MCC: variants seen among roughly 807,000 people sequenced by gnomAD.
MCC encodes the protein MCC regulator of Wnt signaling pathway.
Under a neutral mutation model 116.2 loss-of-function variants are expected in MCC, and 90 were observed. That is an observed-to-expected ratio of 0.77 (90% CI 0.65 to 0.92). The LOEUF is 0.92. Among genes scored for constraint, MCC ranks in the 40% least tolerant of loss-of-function variants. MCC has a pLI of 0.00. For synonymous variants in MCC, 578 were observed against 510.5 expected (o/e 1.13, Z -1.78); for missense variants, 1,516 against 1,312.2 (o/e 1.16, Z -2.40).
At chr5:113,174,359 A>G (rs1167986143) in intron 3 of MCC, among the ~76,000 whole-genome samples, 1 of 152,178 alleles carries the variant, frequency 6.6e-6, no homozygotes, top group Non-Finnish European at 1.5e-5. Context: ...GGTATGGATC[A>G]CCTGCACTGT....
intron 3 of MCC, among the ~76,000 whole-genome samples, chr5:113,206,478 G>T (rs1001986449): frequency 6.6e-6 from 1 of 152,164 alleles, no homozygotes; most frequent in Admixed American, 6.5e-5. Context: ...ACTTTGGGAG[G>T]CTGAGGCAGG....
At chr5:113,306,940 C>T (rs1336400742) in intron 3 of MCC, among the ~76,000 whole-genome samples, 1 of 151,982 alleles carries the variant, frequency 6.6e-6, no homozygotes, top group Non-Finnish European at 1.5e-5. Context: ...AATTTTTGTA[C>T]CCTTGTCAAA....
intron 1 of MCC, 36 bp from the exon 2 acceptor site, chr5:113,385,248 G>A: frequency 6.3e-7 from 1 of 1,595,210 alleles, no homozygotes; most frequent in Non-Finnish European, 8.6e-7. Flanking sequence ...AATGTGTTAT[G>A]AGTGACATTT....
chr5:113,203,225 TTGTGCTCCTACCTTGACA>T (rs937789579), intron 3 of MCC: 2 of 152,302 alleles, frequency 1.3e-5, no homozygotes, highest in African/African-American at 2.4e-5. Flanking sequence ...GTTGCCCCGC[TTGTGCTCCTACCTTGACA>T]TGTGCTCTGG....
At chr5:113,035,810 T>C (rs1310927354) in intron 17 of MCC, among the ~76,000 whole-genome samples, 1 of 152,198 alleles carries the variant, frequency 6.6e-6, no homozygotes, top group South Asian at 2.1e-4. Context: ...AGTTACTTTA[T>C]TGGAAAAAAA....
At position 113,146,119 on chromosome 5, in the gene MCC, T is replaced by TA. The variant is rs1419016933; in HGVS notation, c.742-2760_742-2759insT. ...ACATTCCTATATTTTTCCGTAAGTT[T>TA]TAAAAAAATAGCATACAATGTAGTA... On this transcript the variant is annotated intron_variant, in intron 4 of 18. Transcript: ENST00000408903. Among the ~76,000 whole-genome samples, 7 of 105,310 alleles carry TA rather than the reference T, an allele frequency of 6.6e-5. No homozygotes were observed. In the East Asian group the frequency reaches 1.2e-3, roughly 18 times the overall value. The allele number at this position is 105,310 out of a possible 152,430, so 69.1% of individuals were successfully genotyped here. A position where few individuals can be genotyped will look rare whatever the true frequency, so the allele number is the denominator to read the frequency against.
chr5:113,488,142 G>A (rs929052993), intron 1 of MCC, 103 bp downstream of exon 1: 27 of 1,228,970 alleles, frequency 2.2e-5, no homozygotes, highest in Non-Finnish European at 2.8e-5. Flanking sequence ...GCGAGCTTCT[G>A]AGCAACTTGC....
At chr5:113,047,900 C>T (rs1752212317) in intron 16 of MCC, among the ~76,000 whole-genome samples, 1 of 152,044 alleles carries the variant, frequency 6.6e-6, no homozygotes, top group African/African-American at 2.4e-5. Flanking sequence ...CACCAGACAG[C>T]CTGCTTTCAG....
At chr5:113,156,619 T>G (rs1192123858) in intron 3 of MCC, among the ~76,000 whole-genome samples, 2 of 152,192 alleles carry the variant, frequency 1.3e-5, no homozygotes, top group East Asian at 1.9e-4. Flanking sequence ...TAGTTCTCTG[T>G]GAAATTTTAA....
At chr5:113,406,060 T>C (rs760828645) in intron 1 of MCC, among the ~76,000 whole-genome samples, 1 of 152,118 alleles carries the variant, frequency 6.6e-6, no homozygotes, top group African/African-American at 2.4e-5. Flanking sequence ...CCAACCAATA[T>C]ATAAATTAAA....
Position 113,376,330 on chromosome 5 carries a change from C to A in MCC, c.415+8638G>T, listed in dbSNP as rs1459584589. On this transcript the variant is annotated intron_variant, in intron 2 of 18. Coordinates refer to ENST00000408903, the MANE Select transcript of MCC (RefSeq NM_001085377.2). ...TATTTGTTTATTGGCCAAATACTCA[C>A]CCAATGCATGCCCTGTGTCAGTCTC... 2.0e-5 allele frequency among the ~76,000 whole-genome samples: 3 copies of A among 152,264 alleles called. No individual in the cohort carries two copies. In the East Asian group the frequency reaches 5.8e-4, roughly 29 times the overall value.
intron 3 of MCC, among the ~76,000 whole-genome samples, chr5:113,258,477 C>G (rs1245911746): frequency 6.6e-6 from 1 of 152,236 alleles, no homozygotes; most frequent in Non-Finnish European, 1.5e-5. Context: ...TCAGATTAAC[C>G]ACAGTATTAG....
At chr5:113,384,828 C>T in intron 2 of MCC, 140 bp downstream of exon 2, 1 of 888,102 alleles carries the variant, frequency 1.1e-6, no homozygotes, top group Non-Finnish European at 1.7e-6. Flanking sequence ...GAGCACTCCC[C>T]CAGGGAAAGT....
At chr5:113,416,438 A>G (rs1030228537) in intron 1 of MCC, among the ~76,000 whole-genome samples, 3 of 152,148 alleles carry the variant, frequency 2.0e-5, no homozygotes, top group African/African-American at 7.2e-5. Context: ...TAAAAAAAAA[A>G]GTGGCAGGGG....
intron 6 of MCC, among the ~76,000 whole-genome samples, chr5:113,105,376 A>G (rs1273869929): frequency 1.3e-5 from 2 of 152,216 alleles, no homozygotes; most frequent in African/African-American, 4.8e-5. Flanking sequence ...TCTTGGCACA[A>G]CAGGAACAGG....
intron 1 of MCC, among the ~76,000 whole-genome samples, chr5:113,425,187 T>C (rs935594694): frequency 1.2e-4 from 18 of 152,220 alleles, no homozygotes; most frequent in African/African-American, 4.3e-4. Flanking sequence ...TATAAAAGGA[T>C]TGGGAATCAC....
At chr5:113,343,338 T>G (rs1446880016) in intron 2 of MCC, among the ~76,000 whole-genome samples, 1 of 152,212 alleles carries the variant, frequency 6.6e-6, no homozygotes, top group Non-Finnish European at 1.5e-5. Flanking sequence ...ATATTTGCAA[T>G]TGCTCCAAGT....
chr5:113,138,724 G>C (rs182299910), intron 5 of MCC, among the ~76,000 whole-genome samples: 5 of 152,262 alleles, frequency 3.3e-5, no homozygotes, highest in Non-Finnish European at 7.4e-5. Context: ...GAAGCTCCAT[G>C]GGTTATCATC....
intron 3 of MCC, among the ~76,000 whole-genome samples, chr5:113,282,012 C>T (rs1446768401): frequency 6.6e-6 from 1 of 152,182 alleles, no homozygotes; most frequent in Non-Finnish European, 1.5e-5. Flanking sequence ...CTGGCCTTCA[C>T]AACATTTATC....
Sources: gnomAD v4.1 joint callset for allele counts (sites outside exome capture counted in the v4.1 genomes callset) on GRCh38, gnomAD v4.1.1 for gene constraint, MANE v1.5 for transcripts, NCBI Gene and HGNC (gene_info 2026-07-23, HGNC 2026-07-21) for gene names.